Variants in UBE2K observed in about 807,000 individuals in gnomAD.
UBE2K encodes the protein ubiquitin conjugating enzyme E2 K, also known as ubiquitin-conjugating enzyme E2 K.
UBE2K carries 6 observed loss-of-function variants against 30.0 expected under a neutral mutation model. That is an observed-to-expected ratio of 0.20 (90% CI 0.11 to 0.39). The LOEUF (loss-of-function observed/expected upper bound fraction) is 0.39, where lower values mean the gene tolerates loss of function less well. Among genes scored for constraint, UBE2K ranks in the 10% least tolerant of loss-of-function variants. The pLI is 1.00. For synonymous variants in UBE2K, 86 were observed against 83.7 expected, an observed-to-expected ratio of 1.03 and a Z score of -0.15; for missense variants, 61 against 241.6, an observed-to-expected ratio of 0.25 and a Z score of 4.96.
chr4:39,700,790 G>C (rs1717964970), intron 1 of UBE2K, among the ~76,000 whole-genome samples: 1 of 151,940 alleles, frequency 6.6e-6, no homozygotes, highest in Non-Finnish European at 1.5e-5. Context: ...GGCCTTATAA[G>C]AGCCTTTGTA....
chr4:39,767,520 T>C (rs1395907369), intron 4 of UBE2K, among the ~76,000 whole-genome samples: 1 of 152,052 alleles, frequency 6.6e-6, no homozygotes, highest in Non-Finnish European at 1.5e-5. Context: ...AGACGGAGTT[T>C]CACCATGTTT....
chr4:39,699,298 A>G (rs572671947), intron 1 of UBE2K, among the ~76,000 whole-genome samples: 1 of 152,302 alleles, frequency 6.6e-6, no homozygotes, highest in South Asian at 2.1e-4. Flanking sequence ...TGTCCCTCAT[A>G]GTTAACTTGA....
At chr4:39,746,469 A>C (rs1259568257) in intron 3 of UBE2K, among the ~76,000 whole-genome samples, 2 of 152,066 alleles carry the variant, frequency 1.3e-5, no homozygotes, top group African/African-American at 4.8e-5. Flanking sequence ...TTATTTAATC[A>C]CCCTTCCATC....
chr4:39,714,251 A>T, intron 1 of UBE2K: 1 of 185,978 alleles, frequency 5.4e-6, no homozygotes, highest in Non-Finnish European at 1.2e-5. Flanking sequence ...CTTGTTTTCA[A>T]CATTGTTCTG....
intron 2 of UBE2K, among the ~76,000 whole-genome samples, chr4:39,744,685 T>C (rs1720888568): frequency 3.3e-5 from 5 of 150,228 alleles, no homozygotes; most frequent in Admixed American, 3.3e-4. Context: ...GGCAGGTGGA[T>C]CACGAGGTCA....
At position 39,779,876 on chromosome 4, in the gene UBE2K, A is replaced by G. The variant is rs866633891; in HGVS notation, c.*1442A>G. The G allele has an allele frequency of 6.6e-6, 1 of 152,214 alleles. No individual in the cohort carries two copies. The highest frequency in any genetic ancestry group is 2.1e-4 in the South Asian group (1 of 4,836). The allele number at this position is 152,214 out of a possible 1,614,324, so 9.4% of individuals were successfully genotyped here. A position where few individuals can be genotyped will look rare whatever the true frequency, so the allele number is the denominator to read the frequency against. On this transcript the variant is annotated 3_prime_UTR_variant, in exon 7 of 7. Coordinates refer to ENST00000261427, the MANE Select transcript of UBE2K (RefSeq NM_005339.5). ...GGTTTGCTTTCTTTAAGTGTTATTT[A>G]TCTTAAATTATAATCGTTAAATGTT...
At chr4:39,724,708 T>C (rs1157190063) in intron 1 of UBE2K, among the ~76,000 whole-genome samples, 3 of 150,540 alleles carry the variant, frequency 2.0e-5, no homozygotes, top group Non-Finnish European at 4.4e-5. Context: ...AGGCAAAAGT[T>C]GCAATGAGCT....
chr4:39,702,841 C>T (rs1718112819), intron 1 of UBE2K, among the ~76,000 whole-genome samples: 1 of 151,900 alleles, frequency 6.6e-6, no homozygotes, highest in South Asian at 2.1e-4. Context: ...GAGTGGCTCT[C>T]CTGTGCATTG....
intron 4 of UBE2K, among the ~76,000 whole-genome samples, chr4:39,772,004 A>G (rs1712909592): frequency 6.6e-6 from 1 of 152,064 alleles, no homozygotes; most frequent in African/African-American, 2.4e-5. Flanking sequence ...ACATCTGGCT[A>G]ATTTTTGTAT....
Position 39,770,821 on chromosome 4 carries a change from T to G in UBE2K, c.300-4013T>G, listed in dbSNP as rs1382118339. The G allele has an allele frequency of 9.0e-6, 14 of 1,549,540 alleles. No homozygotes were observed. The East Asian group carries it at 3.1e-4, about 35-fold the overall frequency. On this transcript the variant is annotated intron_variant, in intron 4 of 6. Transcript: ENST00000261427. ...GCCGACTCCACCTTGACGATGCAGA[T>G]GTCAGATACGTCCTCATCCTCATCC...
At chr4:39,767,177 T>A (rs770253592) in intron 4 of UBE2K, among the ~76,000 whole-genome samples, 1 of 152,204 alleles carries the variant, frequency 6.6e-6, no homozygotes, top group African/African-American at 2.4e-5. Flanking sequence ...TTCTCCCTTA[T>A]GTTTTTGCTT....
intron 1 of UBE2K, among the ~76,000 whole-genome samples, chr4:39,718,638 C>T (rs987854638): frequency 1.3e-5 from 2 of 152,244 alleles, no homozygotes; most frequent in African/African-American, 4.8e-5. Context: ...GGTCCCGAGC[C>T]CTGCCCCGTG....
At chr4:39,701,463 C>A (rs302940) in intron 1 of UBE2K, among the ~76,000 whole-genome samples, 45,143 of 151,992 alleles carry the variant, frequency 0.3, 8,455 homozygotes, top group African/African-American at 0.54. Flanking sequence ...AATTCTTAAG[C>A]ACAGTTCTTT....
intron 5 of UBE2K, among the ~76,000 whole-genome samples, chr4:39,775,448 C>G (rs937970165): frequency 6.6e-6 from 1 of 152,260 alleles, no homozygotes; most frequent in Middle Eastern, 3.4e-3. Context: ...AGTATCTGAC[C>G]TGTTAAGAAA....
At chr4:39,719,743 G>A (rs891330084) in intron 1 of UBE2K, among the ~76,000 whole-genome samples, 1 of 152,142 alleles carries the variant, frequency 6.6e-6, no homozygotes, top group African/African-American at 2.4e-5. Context: ...GCTTCTCAGC[G>A]AGCTGATAAT....
At chr4:39,766,278 C>T (rs1712334834) in intron 4 of UBE2K, among the ~76,000 whole-genome samples, 1 of 151,904 alleles carries the variant, frequency 6.6e-6, no homozygotes, top group Admixed American at 6.6e-5. Context: ...AGTTCCATTT[C>T]TCCACAACCT....
rs3839130 is a variant in UBE2K, at chr4:39,779,042, A to ACCCCCCCCCCCCCCCCCCCTCCC, written c.*616_*617insCCCCCCCCCCCTCCCCCCCCCCC. On this transcript the variant is annotated 3_prime_UTR_variant, in exon 7 of 7. Transcript: ENST00000261427. ...TGGGACAGTGTCTGATTCCCCCTTCACCCCCCCCACCCCCGCCTTGCCACA... is the reference window on the plus strand; with the variant it reads ...TGGGACAGTGTCTGATTCCCCCTTCACCCCCCCCCCCCCCCCCCCTCCCCCCCCCCCACCCCCGCCTTGCCACA... 14 of 128,300 alleles carry ACCCCCCCCCCCCCCCCCCCTCCC rather than the reference A, an allele frequency of 1.1e-4. No individual in the cohort carries two copies. Among genetic ancestry groups the ACCCCCCCCCCCCCCCCCCCTCCC allele is most frequent in the South Asian group, 2.5e-4 (1 of 4,008 alleles). The allele number at this position is 128,300 out of a possible 1,614,324, so 7.9% of individuals were successfully genotyped here.
At position 39,698,163 on chromosome 4, in the gene UBE2K, G is replaced by C; in HGVS notation, c.-165G>C. On this transcript the variant is annotated 5_prime_UTR_variant, in exon 1 of 7. Coordinates refer to ENST00000261427, the MANE Select transcript of UBE2K (RefSeq NM_005339.5). ...CATTTTGGTGGCCGGGCGCGGAGGTGATTCCACACTGAGGCGAGCGCGGCG... is the reference window on the plus strand; with the variant it reads ...CATTTTGGTGGCCGGGCGCGGAGGTCATTCCACACTGAGGCGAGCGCGGCG... 1.4e-6 allele frequency: 1 copy of C among 711,878 alleles called. No individual in the cohort carries two copies. The allele number at this position is 711,878 out of a possible 1,614,324, so 44.1% of individuals were successfully genotyped here.
At chr4:39,738,156 C>G (rs1720478379) in intron 2 of UBE2K, among the ~76,000 whole-genome samples, 1 of 152,106 alleles carries the variant, frequency 6.6e-6, no homozygotes, top group African/African-American at 2.4e-5. Context: ...ATTAATATTA[C>G]TGTAAATTTA....
Sources: allele counts gnomAD v4.1 joint callset (sites outside exome capture counted in the v4.1 genomes callset), GRCh38; gene constraint gnomAD v4.1.1; transcripts MANE v1.5; gene names NCBI Gene and HGNC (gene_info 2026-07-23, HGNC 2026-07-21).